The following METTL15 variants were observed in gnomAD, a reference collection of about 807,000 sequenced individuals.
METTL15 encodes 12S rRNA N(4)-cytidine methyltransferase METTL15.
In METTL15, 34 loss-of-function variants were observed where a neutral mutation model predicts 38.3. That is an observed-to-expected ratio of 0.89 (90% CI 0.68 to 1.18). The LOEUF (loss-of-function observed/expected upper bound fraction) is 1.18. METTL15 is among the 50% of genes most tolerant of loss of function. The pLI is 0.00. For synonymous variants in METTL15, 162 were observed against 170.9 expected (o/e 0.95, Z 0.41); for missense variants, 438 against 498.4 (o/e 0.88, Z 1.15).
At chr11:28,216,646 T>C (rs1181278054) in intron 4 of METTL15, among the ~76,000 whole-genome samples, 3 of 152,006 alleles carry the variant, frequency 2.0e-5, no homozygotes, top group Non-Finnish European at 4.4e-5. Flanking sequence ...TGTGCCATGT[T>C]GCTGTGCTGC....
chr11:28,273,377 A>C (rs906038220), intron 4 of METTL15, among the ~76,000 whole-genome samples: 4 of 152,144 alleles, frequency 2.6e-5, no homozygotes, highest in African/African-American at 9.7e-5. Flanking sequence ...ACTTACTGCA[A>C]GAAAATGTGT....
intron 4 of METTL15, among the ~76,000 whole-genome samples, chr11:28,235,289 G>GATTGA (rs1853900434): frequency 5.3e-5 from 8 of 152,078 alleles, no homozygotes; most frequent in Admixed American, 5.2e-4. Flanking sequence ...GGCGATGCGG[G>GATTGA]CTCTTTTTTG....
At chr11:28,286,296 A>C (rs1419527021) in intron 4 of METTL15, among the ~76,000 whole-genome samples, 2 of 152,168 alleles carry the variant, frequency 1.3e-5, no homozygotes, top group Non-Finnish European at 2.9e-5. Flanking sequence ...AGTTGATTGT[A>C]GATATTACAC....
chr11:28,217,246 T>A (rs1425840891), intron 4 of METTL15, among the ~76,000 whole-genome samples: 1 of 151,652 alleles, frequency 6.6e-6, no homozygotes, highest in African/African-American at 2.4e-5. Context: ...TTTTTAATGA[T>A]CGCCATTCTA....
At position 28,515,982 on chromosome 11, in the gene METTL15, T is replaced by A. The variant is rs74342209; in HGVS notation, c.*425-10496T>A. ...AGCTATCTGTTTCTGTCACAAAACATCTAATCGTAAGCCCAAAGGGAACCA... is the reference window on the plus strand; with the variant it reads ...AGCTATCTGTTTCTGTCACAAAACAACTAATCGTAAGCCCAAAGGGAACCA... On this transcript the variant is annotated intron_variant and NMD_transcript_variant, in intron 6 of 7. Transcript: ENST00000532947. 8.1e-3 allele frequency among the ~76,000 whole-genome samples: 1,228 copies of A among 152,332 alleles called. 24 individuals carry two copies. The highest frequency in any genetic ancestry group is 0.028 in the African/African-American group (1,156 of 41,584).
chr11:28,238,587 G>A (rs1854135698), intron 4 of METTL15, among the ~76,000 whole-genome samples: 2 of 152,156 alleles, frequency 1.3e-5, no homozygotes, highest in South Asian at 4.1e-4. Context: ...GCCCTGCTTT[G>A]GCTGGCACAG....
At chr11:28,238,013 G>C (rs1358414298) in intron 4 of METTL15, among the ~76,000 whole-genome samples, 1 of 152,160 alleles carries the variant, frequency 6.6e-6, no homozygotes, top group African/African-American at 2.4e-5. Context: ...GTCTGCCCCT[G>C]CTGGAGGGTG....
At chr11:28,497,535 CTGTT>C (rs1201426296) in intron 6 of METTL15, among the ~76,000 whole-genome samples, 2 of 152,190 alleles carry the variant, frequency 1.3e-5, no homozygotes, top group Non-Finnish European at 2.9e-5. Flanking sequence ...GTGTCTTACT[CTGTT>C]TGTGCTGCTA....
chr11:28,367,914 A>G (rs908176744), intron 5 of METTL15, among the ~76,000 whole-genome samples: 1 of 151,828 alleles, frequency 6.6e-6, no homozygotes, highest in South Asian at 2.1e-4. Context: ...TGAAACTGGA[A>G]CCCTTTTACA....
In METTL15 at chr11:28,138,724, G is replaced by A. The variant is rs190237804; in HGVS notation, c.270+25120G>A. Among the ~76,000 whole-genome samples, 13 of 152,296 alleles carry A rather than the reference G, an allele frequency of 8.5e-5. No individual in the cohort carries two copies. The East Asian group carries it at 2.5e-3, about 29-fold the overall frequency. On this transcript the variant is annotated intron_variant, in intron 3 of 6. Coordinates refer to ENST00000407364, the MANE Select transcript of METTL15 (RefSeq NM_001113528.2). The stretch of plus-strand genomic sequence containing the variant: ...CCCGGGCCACCATTTTAAAATGGCA[G>A]AGGCCAAAAGAAGGTACTGCCACGT...
intron 6 of METTL15, among the ~76,000 whole-genome samples, chr11:28,502,888 CA>C (rs1010290031): frequency 2.2e-4 from 34 of 152,062 alleles, no homozygotes; most frequent in African/African-American, 8.2e-4. Context: ...AAAATCACTT[CA>C]AATAGTAGTC....
chr11:28,446,865 A>G (rs950200058), intron 6 of METTL15, among the ~76,000 whole-genome samples: 6 of 152,092 alleles, frequency 3.9e-5, no homozygotes, highest in African/African-American at 1.4e-4. Context: ...ACCACTATTT[A>G]TAGTTTTTAC....
At chr11:28,287,854 A>G (rs952165119) in intron 4 of METTL15, among the ~76,000 whole-genome samples, 1 of 152,042 alleles carries the variant, frequency 6.6e-6, no homozygotes, top group Non-Finnish European at 1.5e-5. Context: ...AAACAAGCCA[A>G]TCACATTCTT....
chr11:28,249,487 G>C (rs541079575), intron 4 of METTL15, among the ~76,000 whole-genome samples: 1 of 151,894 alleles, frequency 6.6e-6, no homozygotes, highest in East Asian at 1.9e-4. Context: ...TGCTAAATTA[G>C]GTTTTAGTTT....
At chr11:28,525,726 C>T (rs531058912) in intron 6 of METTL15, among the ~76,000 whole-genome samples, 1 of 152,412 alleles carries the variant, frequency 6.6e-6, no homozygotes, top group East Asian at 1.9e-4. Context: ...AGAAGCCCAG[C>T]TGGCTTCACC....
intron 6 of METTL15, among the ~76,000 whole-genome samples, chr11:28,509,490 A>C (rs1851657141): frequency 6.6e-6 from 1 of 152,038 alleles, no homozygotes; most frequent in Non-Finnish European, 1.5e-5. Flanking sequence ...TTTATTTAAA[A>C]AAAAAAAAAA....
At chr11:28,229,356 C>T (rs370794710) in intron 4 of METTL15, among the ~76,000 whole-genome samples, 3 of 152,050 alleles carry the variant, frequency 2.0e-5, no homozygotes, top group Non-Finnish European at 2.9e-5. Flanking sequence ...CTGCATTCAA[C>T]TTCCCTCACC....
chr11:28,401,853 T>A (rs1053736890), intron 5 of METTL15, among the ~76,000 whole-genome samples: 11 of 152,056 alleles, frequency 7.2e-5, no homozygotes, highest in Admixed American at 5.9e-4. Context: ...ACAACTTTAT[T>A]TTACTTTCAT....
At chr11:28,219,742 T>G (rs915288830) in intron 4 of METTL15, among the ~76,000 whole-genome samples, 22 of 152,214 alleles carry the variant, frequency 1.4e-4, no homozygotes, top group African/African-American at 5.1e-4. Flanking sequence ...ATGTGTCCCA[T>G]AGATTCTGGT....
Sources: gnomAD v4.1 joint callset for allele counts (sites outside exome capture counted in the v4.1 genomes callset) on GRCh38, gnomAD v4.1.1 for gene constraint, MANE v1.5 for transcripts, NCBI Gene and HGNC (gene_info 2026-07-23, HGNC 2026-07-21) for gene names.